COMMD1: variants seen among roughly 807,000 people sequenced by gnomAD.
The protein encoded by COMMD1 is COMM domain-containing protein 1.
In COMMD1, 10 loss-of-function variants were observed where a neutral mutation model predicts 17.2. The ratio of observed to expected loss-of-function variants is 0.58; its 90% CI spans 0.36 to 0.99. COMMD1 has a LOEUF of 0.99. Ranked by LOEUF, COMMD1 falls within the 50% of genes least tolerant of loss-of-function variation. The pLI is 0.01. For missense variants in COMMD1, 270 were observed against 231.8 expected (o/e 1.17, Z -1.07); for synonymous variants, 97 against 91.6 (o/e 1.06, Z -0.34).
At chr2:61,962,085 G>C (rs1671356097) in intron 1 of COMMD1, among the ~76,000 whole-genome samples, 1 of 152,200 alleles carries the variant, frequency 6.6e-6, no homozygotes, top group Non-Finnish European at 1.5e-5. Context: ...TACACGAAGA[G>C]GTTGATTAGA....
chr2:61,888,612 T>C (rs1001311402), upstream of COMMD1: 12 of 1,356,938 alleles, frequency 8.8e-6, no homozygotes, highest in Non-Finnish European at 1.2e-5. Flanking sequence ...TCACGAACCT[T>C]CCAGAAAGCG....
Position 62,000,768 on chromosome 2 carries a change from A to C in COMMD1, c.248A>C (p.Gln83Pro). 1 of 1,614,202 alleles carries C rather than the reference A, an allele frequency of 6.2e-7. No individual in the cohort carries two copies. The highest frequency in any genetic ancestry group is 8.5e-7 in the Non-Finnish European group (1 of 1,180,034). The part of the protein sequence containing the change: ...EAFLTAQTKK[Q>P]GGITSDQAAV... ...TTCTTGACTGCTCAAACCAAAAAGC[A>C]AGGTGGGATCACATCTGACCAAGCT... The change falls in exon 2 of 3, where the codon CAA becomes CCA. Residue 83 changes from glutamine to proline, a missense_variant. Transcript: ENST00000311832.
chr2:62,085,617 C>T (rs1400487320), intron 2 of COMMD1, among the ~76,000 whole-genome samples: 1 of 152,028 alleles, frequency 6.6e-6, no homozygotes, highest in Non-Finnish European at 1.5e-5. Context: ...GTGAGAGGAT[C>T]ATTTGAGCCT....
intron 1 of COMMD1, among the ~76,000 whole-genome samples, chr2:61,963,234 TACAC>T (rs567391883): frequency 1.3e-5 from 2 of 149,046 alleles, no homozygotes; most frequent in South Asian, 4.3e-4. Flanking sequence ...TATACATATA[TACAC>T]ACACACACAC....
At chr2:61,934,184 GA>G (rs1670543989) in intron 1 of COMMD1, among the ~76,000 whole-genome samples, 1 of 152,182 alleles carries the variant, frequency 6.6e-6, no homozygotes, top group Non-Finnish European at 1.5e-5. Flanking sequence ...GGGGGAATGT[GA>G]GAGGTAGTAC....
intron 2 of COMMD1, among the ~76,000 whole-genome samples, chr2:62,028,064 T>A (rs185506623): frequency 1.8e-3 from 267 of 152,290 alleles, no homozygotes; most frequent in Non-Finnish European, 3.2e-3. Flanking sequence ...GAGTAGAAAG[T>A]CCTCTTCACA....
chr2:62,062,066 C>T (rs1573133122), intron 2 of COMMD1, among the ~76,000 whole-genome samples: 1 of 151,638 alleles, frequency 6.6e-6, no homozygotes, highest in Non-Finnish European at 1.5e-5. Context: ...ACTGTGGAGT[C>T]AAACTGACCT....
chr2:62,109,344 A>G (rs529877814), intron 2 of COMMD1, among the ~76,000 whole-genome samples: 27 of 152,320 alleles, frequency 1.8e-4, no homozygotes, highest in African/African-American at 6.5e-4. Flanking sequence ...AATGGAAGCT[A>G]AGGTTTTAAA....
At chr2:61,967,973 C>T (rs1268592358) in intron 1 of COMMD1, among the ~76,000 whole-genome samples, 1 of 152,102 alleles carries the variant, frequency 6.6e-6, no homozygotes, top group Admixed American at 6.5e-5. Context: ...CCAGCCTGGC[C>T]AACACAATGA....
rs1670351826 is a variant in COMMD1, at chr2:61,927,304, T to C, written c.180+21446T>C. ...GGCCTTTTGGGAAAATTGGCTGTTA[T>C]GGCTCTGTCCTCATTCTTTGGAAGG... On this transcript the variant is annotated intron_variant, in intron 1 of 2. Transcript: ENST00000311832. Among the ~76,000 whole-genome samples, 5 of 152,244 alleles carry C rather than the reference T, an allele frequency of 3.3e-5. No individual in the cohort carries two copies. The South Asian group carries it at 8.3e-4, about 25-fold the overall frequency.
At chr2:61,905,624 C>T (rs1558516404), upstream of COMMD1, 3 of 1,477,324 alleles carry the variant, frequency 2.0e-6, no homozygotes, top group Non-Finnish European at 2.7e-6. Flanking sequence ...AGGCACATCT[C>T]GGCCGCCGTG....
chr2:61,948,542 A>G (rs991667725), intron 1 of COMMD1, among the ~76,000 whole-genome samples: 18 of 152,212 alleles, frequency 1.2e-4, no homozygotes, highest in African/African-American at 4.3e-4. Context: ...AGAGAATATT[A>G]TGACTTTCAC....
At position 62,133,709 on chromosome 2, in the gene COMMD1, T is replaced by TAA. The variant is rs1332577642; in HGVS notation, c.463-2122_463-2121insAA. On this transcript the variant is annotated intron_variant, in intron 2 of 2. Transcript: ENST00000311832. ...TTATGGGAATTAAGTATATGGTGAA[T>TAA]CTAATAGTAGATAAGAGTTATTTTA... Among the ~76,000 whole-genome samples, 9 of 152,260 alleles carry TAA rather than the reference T, an allele frequency of 5.9e-5. No individual in the cohort carries two copies. In the East Asian group the frequency reaches 1.7e-3, roughly 29 times the overall value.
At chr2:61,994,241 C>A (rs1435127519) in intron 1 of COMMD1, among the ~76,000 whole-genome samples, 1 of 152,152 alleles carries the variant, frequency 6.6e-6, no homozygotes, top group Non-Finnish European at 1.5e-5. Context: ...CCCACCTCAG[C>A]CTCCCAAAGT....
At chr2:62,043,304 C>A (rs1311948566) in intron 2 of COMMD1, among the ~76,000 whole-genome samples, 1 of 152,186 alleles carries the variant, frequency 6.6e-6, no homozygotes, top group African/African-American at 2.4e-5. Flanking sequence ...GACTTGAGTT[C>A]ATTGCTATTT....
chr2:62,076,845 A>G (rs998093750), intron 2 of COMMD1, among the ~76,000 whole-genome samples: 1 of 152,166 alleles, frequency 6.6e-6, no homozygotes, highest in Non-Finnish European at 1.5e-5. Context: ...TATTAAGAGT[A>G]TTTAGGTCAG....
At chr2:61,937,293 C>T (rs941778945) in intron 1 of COMMD1, among the ~76,000 whole-genome samples, 3 of 152,162 alleles carry the variant, frequency 2.0e-5, no homozygotes, top group African/African-American at 4.8e-5. Context: ...TAGAGTGCCC[C>T]GGCCAATGAG....
rs1235686345 is a variant in COMMD1 at position 62,080,609 on chromosome 2, A to G, written c.463-55222A>G. Among the ~76,000 whole-genome samples, 3 of 152,172 alleles carry G rather than the reference A, an allele frequency of 2.0e-5. No individual in the cohort carries two copies. The East Asian group carries it at 5.8e-4, about 29-fold the overall frequency. On this transcript the variant is annotated intron_variant, in intron 2 of 2. Coordinates refer to ENST00000311832, the MANE Select transcript of COMMD1 (RefSeq NM_152516.4). ...AACTCTCAAGTAAATTTTATTTGTC[A>G]AGCTCCTTTTCAAAAATTACAAAAG...
In COMMD1 at chr2:62,027,659, G is replaced by GTTATGTTATGTTA. The variant is rs1553381179; in HGVS notation, c.462+26678_462+26679insTATGTTATGTTAT. ...ATGTTATGTTATGTTATGTTATGTT[G>GTTATGTTATGTTA]TGTTATGTTATGTTATGTTATGTTA... On this transcript the variant is annotated intron_variant, in intron 2 of 2. Coordinates refer to ENST00000311832, the MANE Select transcript of COMMD1 (RefSeq NM_152516.4). 3.7e-3 allele frequency among the ~76,000 whole-genome samples: 163 copies of GTTATGTTATGTTA among 43,548 alleles called. 1 individual carries two copies. Among genetic ancestry groups the GTTATGTTATGTTA allele is most frequent in the East Asian group, 0.017 (22 of 1,308 alleles). The allele number at this position is 43,548 out of a possible 152,430, so 28.6% of individuals were successfully genotyped here. A position where few individuals can be genotyped will look rare whatever the true frequency, so the allele number is the denominator to read the frequency against.
Sources: gnomAD v4.1 joint callset for allele counts (sites outside exome capture counted in the v4.1 genomes callset) on GRCh38, gnomAD v4.1.1 for gene constraint, MANE v1.5 for transcripts, NCBI Gene and HGNC (gene_info 2026-07-23, HGNC 2026-07-21) for gene names.